Variants in NLRX1 observed in about 807,000 individuals in gnomAD.
NLRX1 encodes NLR family member X1.
NLRX1 carries 67 observed loss-of-function variants against 74.2 expected under a neutral mutation model. The observed-to-expected ratio is 0.90, with a 90% confidence interval of 0.74 to 1.11. NLRX1 has a LOEUF of 1.11. Among genes scored for constraint, NLRX1 ranks in the 50% least tolerant of loss-of-function variants. The pLI, the probability that NLRX1 is intolerant of heterozygous loss-of-function variation, is 0.00. For synonymous variants in NLRX1, 506 were observed against 559.1 expected, an observed-to-expected ratio of 0.91 and a Z score of 1.34; for missense variants, 1,191 against 1,305.4, an observed-to-expected ratio of 0.91 and a Z score of 1.35.
At position 119,181,189 on chromosome 11, in the gene NLRX1, G is replaced by A. The variant is rs1204476747; in HGVS notation, c.2286G>A (p.Leu762=). 2.5e-6 allele frequency: 4 copies of A among 1,613,592 alleles called. No individual in the cohort carries two copies. In the African/African-American group the frequency reaches 5.3e-5, roughly 22 times the overall value. The change falls in exon 8 of 10, where the codon CTG becomes CTA. Residue 762 remains leucine (L), a synonymous_variant. Coordinates refer to ENST00000409109, the MANE Select transcript of NLRX1 (RefSeq NM_001282144.2). ...GCTCCAGCTTGCAACTCAACAGCCT[G>A]GGCCCTGAGGCCTGCAAGGACCTCC... ...ARKLGLQLNS[L]GPEACKDLRD...
rs766858433 is a variant in NLRX1, at chr11:119,174,076, T to C, written c.827T>C (p.Leu276Pro). The change falls in exon 5 of 10, where the codon CTG becomes CCG. Residue 276 changes from leucine (L) to proline (P), a missense_variant. By Grantham distance (98) the Leu-to-Pro change is moderately conservative. Transcript: ENST00000409109. Reference sequence around the variant, plus strand: ...CCAGCTGCTATCATCGTCAACCTGCTGCGCAAATACATGCTGCCTCAGGTG... The same window carrying C: ...CCAGCTGCTATCATCGTCAACCTGCCGCGCAAATACATGCTGCCTCAGGTG... ...QEPAAIIVNL[L>P]RKYMLPQASI... The C allele has an allele frequency of 6.2e-7, 1 of 1,614,088 alleles. No homozygotes were observed. The highest frequency in any genetic ancestry group is 8.5e-7 in the Non-Finnish European group (1 of 1,179,972).
Position 119,181,199 on chromosome 11 carries a change from G to A in NLRX1, c.2296G>A (p.Ala766Thr), listed in dbSNP as rs1482311342. The A allele has an allele frequency of 3.1e-6, 5 of 1,613,834 alleles. No homozygotes were observed. In the South Asian group the frequency reaches 3.3e-5, roughly 11 times the overall value. Reference sequence around the variant, plus strand: ...GCAACTCAACAGCCTGGGCCCTGAGGCCTGCAAGGACCTCCGAGACCTGTT... The same window carrying A: ...GCAACTCAACAGCCTGGGCCCTGAGACCTGCAAGGACCTCCGAGACCTGTT... ...GLQLNSLGPE[A>T]CKDLRDLLLH... Residue 766 changes from alanine (A) to threonine (T), a missense_variant, in exon 8 of 10, where the codon GCC becomes ACC. Physicochemically the swap from Ala to Thr is moderately conservative, Grantham distance 58. Transcript: ENST00000409109.
At chr11:119,180,973 T>C (rs1461076049) in intron 7 of NLRX1, among the ~76,000 whole-genome samples, 198 bp from the exon 8 acceptor site, 1 of 151,964 alleles carries the variant, frequency 6.6e-6, no homozygotes, top group Non-Finnish European at 1.5e-5. Context: ...CCCAGGAGTC[T>C]GAGGCTGCAG....
At position 119,172,390 on chromosome 11, in the gene NLRX1, G is replaced by A. The variant is rs1948572959; in HGVS notation, c.105G>A (p.Trp35Ter). The part of the protein sequence containing the change: ...DRIPFLIHWS[W>*]PLQGERPFGP... ...TCCCCTTCCTGATCCACTGGAGTTG[G>A]CCCCTTCAAGGGGAGCGTCCCTTTG... Residue 35 changes from tryptophan to a stop codon, truncating the protein, a stop_gained, in exon 3 of 10, where the codon TGG becomes TGA. Transcript: ENST00000409109. LOFTEE classifies it high-confidence loss of function. 6.2e-7 allele frequency: 1 copy of A among 1,613,758 alleles called. No individual in the cohort carries two copies. Among genetic ancestry groups the A allele is most frequent in the Non-Finnish European group, 8.5e-7 (1 of 1,179,754 alleles).
At chr11:119,172,754 G>C (rs1948583950) in intron 3 of NLRX1, 147 bp from the exon 4 acceptor site, 2 of 669,032 alleles carry the variant, frequency 3.0e-6, no homozygotes, top group Non-Finnish European at 5.3e-6. Context: ...GTGAGAGTCA[G>C]ACAAGCCTCT....
rs771846384 is a variant in NLRX1 at position 119,174,986 on chromosome 11, G to C, written c.1383G>C (p.Glu461Asp). 6 of 1,614,080 alleles carry C rather than the reference G, an allele frequency of 3.7e-6. No individual in the cohort carries two copies. The highest frequency in any genetic ancestry group is 5.1e-6 in the Non-Finnish European group (6 of 1,180,052). ...TGGAGGCTGGCATCAGGACGGAGGA[G>C]GAGTTTCAGCTGCTGCACATCTTCC... ...GCLEAGIRTE[E>D]EFQLLHIFRR... The change falls in exon 6 of 10, where the codon GAG becomes GAC. Residue 461 changes from glutamate (E) to aspartate (D), a missense_variant. Glu to Asp is a conservative substitution (Grantham distance 45). Transcript: ENST00000409109.
chr11:119,175,714 T>A (rs1435485343), intron 6 of NLRX1, among the ~76,000 whole-genome samples: 1 of 152,144 alleles, frequency 6.6e-6, no homozygotes, highest in Non-Finnish European at 1.5e-5. Flanking sequence ...GAGACGGGTT[T>A]ATAAAGCAGA....
At chr11:119,176,424 A>T (rs1420118569) in intron 6 of NLRX1, among the ~76,000 whole-genome samples, 1 of 152,088 alleles carries the variant, frequency 6.6e-6, no homozygotes, top group East Asian at 1.9e-4. Context: ...AATTTTTAAA[A>T]TTTTAATTTT....
At chr11:119,178,769 C>A (rs563137238) in intron 6 of NLRX1, among the ~76,000 whole-genome samples, 6 of 148,066 alleles carry the variant, frequency 4.1e-5, no homozygotes, top group Admixed American at 2.1e-4. Context: ...GTGGTGTGAT[C>A]TCAGCTCACT....
rs1273259650 is a variant in NLRX1, at chr11:119,168,921, G to C, written c.-430G>C. ...TGCCAGGGCCGCGCAGGCGGGCGGA[G>C]GTGGGCAGGAAGCGCCACGCCGAGG... On this transcript the variant is annotated 5_prime_UTR_variant, in exon 1 of 10. Transcript: ENST00000409109. The C allele has an allele frequency of 6.6e-6, 1 of 152,306 alleles. No individual in the cohort carries two copies. The highest frequency in any genetic ancestry group is 1.5e-5 in the Non-Finnish European group (1 of 68,104). The allele number at this position is 152,306 out of a possible 1,614,324, so 9.4% of individuals were successfully genotyped here. A position where few individuals can be genotyped will look rare whatever the true frequency, so the allele number is the denominator to read the frequency against.
rs1334251634 is a variant in NLRX1, at chr11:119,183,325, G to A, written c.2814G>A (p.Arg938=). Residue 938 remains arginine, a synonymous_variant, in exon 10 of 10, where the codon CGG becomes CGA. Coordinates refer to ENST00000409109, the MANE Select transcript of NLRX1 (RefSeq NM_001282144.2). This position sits in a 1 kb window ranked among gnomAD's most constrained non-coding sequence, Gnocchi z 5.7. The stretch of plus-strand genomic sequence containing the variant: ...AGCGACACCTTGAGCTCCTACTGCG[G>A]GATCTGGAAGATAGCCGGGGTGCCA... ...RVQRHLELLL[R]DLEDSRGATL... is the part of the protein sequence containing the mutation. 3.7e-6 allele frequency: 6 copies of A among 1,614,134 alleles called. No homozygotes were observed. Among genetic ancestry groups the A allele is most frequent in the Non-Finnish European group, 5.1e-6 (6 of 1,180,056 alleles).
chr11:119,172,941 C>T lies in NLRX1; in HGVS notation c.181C>T (p.Pro61Ser), dbSNP rs770125985. The T allele has an allele frequency of 8.1e-6, 13 of 1,613,836 alleles. No homozygotes were observed. The highest frequency in any genetic ancestry group is 1.7e-5 in the Admixed American group (1 of 60,004). ...CCACGGAAGCTCGGTAGATAGCGCT[C>T]CCCCACCCGGGAGGCATGGACGGCT... The part of the protein sequence containing the change: ...RHHGSSVDSA[P>S]PPGRHGRLFP... The change falls in exon 4 of 10, where the codon CCC (proline) becomes TCC (serine). Residue 61 changes from proline (P) to serine (S), a missense_variant. By Grantham distance (74) the Pro-to-Ser change is moderately conservative. Coordinates refer to ENST00000409109, the MANE Select transcript of NLRX1 (RefSeq NM_001282144.2).
intron 3 of NLRX1, among the ~76,000 whole-genome samples, 196 bp downstream of exon 3, chr11:119,172,621 T>A (rs547167082): frequency 6.6e-6 from 1 of 152,074 alleles, no homozygotes; most frequent in South Asian, 2.1e-4. Flanking sequence ...GGCATAGTAG[T>A]CAGTGGAGGG....
intron 6 of NLRX1, among the ~76,000 whole-genome samples, chr11:119,178,729 G>T (rs1289513185): frequency 1.3e-5 from 2 of 150,944 alleles, no homozygotes; most frequent in African/African-American, 4.9e-5. Context: ...TTGAGACAGG[G>T]TCTTGCTCTG....
rs906593347 is a variant in NLRX1 at position 119,183,238 on chromosome 11, C to G, written c.2727C>G (p.Tyr909Ter). The change falls in exon 10 of 10, where the codon TAC becomes TAG. Residue 909 changes from tyrosine to a stop codon, truncating the protein, a stop_gained. Coordinates refer to ENST00000409109, the MANE Select transcript of NLRX1 (RefSeq NM_001282144.2). LOFTEE classifies it high-confidence loss of function. This position sits in a 1 kb window ranked among gnomAD's most constrained non-coding sequence, Gnocchi z 5.7. Reference protein sequence around the residue: ...SLTEGTAVSEYWSVILSEVQR... With the variant: ...SLTEGTAVSE ...CAGAGGGGACGGCGGTGTCAGAATACTGGTCAGTGATCCTCAGTGAAGTCC... is the reference window on the plus strand; with the variant it reads ...CAGAGGGGACGGCGGTGTCAGAATAGTGGTCAGTGATCCTCAGTGAAGTCC... 2 of 1,614,218 alleles carry G rather than the reference C, an allele frequency of 1.2e-6. No homozygotes were observed. The highest frequency in any genetic ancestry group is 1.7e-6 in the Non-Finnish European group (2 of 1,180,040).
chr11:119,183,430 T>C lies in NLRX1; in HGVS notation c.2919T>C (p.Ser973=). ...VRALLEQLGS[S]GS ...CCCTCCTGGAGCAGCTGGGAAGCTCTGGAAGCTGAGACACTGGCGGCAGGC... is the reference window on the plus strand; with the variant it reads ...CCCTCCTGGAGCAGCTGGGAAGCTCCGGAAGCTGAGACACTGGCGGCAGGC... The change falls in exon 10 of 10, where the codon TCT becomes TCC. Residue 973 remains serine, a synonymous_variant. Transcript: ENST00000409109. This position sits in a 1 kb window ranked among gnomAD's most constrained non-coding sequence, Gnocchi z 5.7. The C allele has an allele frequency of 6.2e-7, 1 of 1,611,502 alleles. No homozygotes were observed. The highest frequency in any genetic ancestry group is 8.5e-7 in the Non-Finnish European group (1 of 1,179,288).
At position 119,174,983 on chromosome 11, in the gene NLRX1, G is replaced by A; in HGVS notation, c.1380G>A (p.Glu460=). ...GCCTGGAGGCTGGCATCAGGACGGA[G>A]GAGGAGTTTCAGCTGCTGCACATCT... ...CGCLEAGIRT[E]EEFQLLHIFR... The change falls in exon 6 of 10, where the codon GAG becomes GAA. Residue 460 remains glutamate, a synonymous_variant. Coordinates refer to ENST00000409109, the MANE Select transcript of NLRX1 (RefSeq NM_001282144.2). 2 of 1,614,046 alleles carry A rather than the reference G, an allele frequency of 1.2e-6. No individual in the cohort carries two copies. The highest frequency in any genetic ancestry group is 1.7e-6 in the Non-Finnish European group (2 of 1,180,042).
chr11:119,182,011 T>C (rs572213094), intron 8 of NLRX1, 83 bp from the exon 9 acceptor site: 2 of 1,532,248 alleles, frequency 1.3e-6, no homozygotes, highest in East Asian at 4.5e-5. Context: ...GGCTGCCCCA[T>C]TAAGGCTGCC....
chr11:119,171,385 T>C lies in NLRX1; in HGVS notation c.-19T>C, dbSNP rs368278774. 1.2e-6 allele frequency: 2 copies of C among 1,613,360 alleles called. No individual in the cohort carries two copies. Among genetic ancestry groups the C allele is most frequent in the Non-Finnish European group, 1.7e-6 (2 of 1,179,770 alleles). ...GAAGTCGGTCCTAGGCCCCCCAGGC[T>C]CTGACCTTCTTTCCCAGGATGAGGT... On this transcript the variant is annotated 5_prime_UTR_variant, in exon 2 of 10. Transcript: ENST00000409109.
Sources: allele counts gnomAD v4.1 joint callset (sites outside exome capture counted in the v4.1 genomes callset), GRCh38; gene constraint gnomAD v4.1.1; non-coding constraint Gnocchi (gnomAD v3.1); transcripts MANE v1.5; gene names NCBI Gene and HGNC (gene_info 2026-07-23, HGNC 2026-07-21).